The following GARRE1 variants were observed in gnomAD, a reference collection of about 807,000 sequenced individuals.
GARRE1 encodes the protein granule associated Rac and RHOG effector 1.
Under a neutral mutation model 103.2 loss-of-function variants are expected in GARRE1, and 49 were observed. The ratio of observed to expected loss-of-function variants is 0.47; its 90% CI spans 0.38 to 0.60. GARRE1 has a LOEUF of 0.60. Ranked by LOEUF, GARRE1 falls within the 20% of genes least tolerant of loss-of-function variation. The pLI, the probability that GARRE1 is intolerant of heterozygous loss-of-function variation, is 0.00. For synonymous variants in GARRE1, 505 were observed against 532.8 expected (o/e 0.95, Z 0.72); for missense variants, 1,199 against 1,370.5 (o/e 0.87, Z 1.98).
At chr19:34,324,705 G>A (rs1402038884) in intron 3 of GARRE1, among the ~76,000 whole-genome samples, 1 of 151,934 alleles carries the variant, frequency 6.6e-6, no homozygotes, top group Non-Finnish European at 1.5e-5. Context: ...ACAGGGTCTT[G>A]CTATGTTCCC....
intron 1 of GARRE1, among the ~76,000 whole-genome samples, chr19:34,277,250 C>G (rs1177257772): frequency 6.6e-6 from 1 of 152,056 alleles, no homozygotes; most frequent in East Asian, 1.9e-4. Flanking sequence ...TGATTTTATT[C>G]AAAGTGCCAG....
intron 3 of GARRE1, among the ~76,000 whole-genome samples, chr19:34,325,847 A>ACGGACC (rs1489100066): frequency 6.6e-6 from 1 of 151,926 alleles, no homozygotes; most frequent in Non-Finnish European, 1.5e-5. Context: ...GGCCTGTTTC[A>ACGGACC]CGGACCCGTC....
chr19:34,266,370 G>T (rs1465319513), intron 1 of GARRE1, among the ~76,000 whole-genome samples: 1 of 151,934 alleles, frequency 6.6e-6, no homozygotes, highest in Admixed American at 6.6e-5. Context: ...ATTTTCTGTT[G>T]TTTTTTTTGA....
intron 10 of GARRE1, among the ~76,000 whole-genome samples, chr19:34,343,584 G>T (rs138589386): frequency 2.4e-4 from 37 of 152,080 alleles, no homozygotes; most frequent in African/African-American, 8.2e-4. Flanking sequence ...GATGTCTCAT[G>T]CCTGTAATTT....
chr19:34,281,827 C>T (rs750789339), intron 1 of GARRE1, among the ~76,000 whole-genome samples: 50 of 152,062 alleles, frequency 3.3e-4, no homozygotes, highest in Non-Finnish European at 5.4e-4. Flanking sequence ...GGATATTTTT[C>T]TTTTTTATAT....
At chr19:34,291,688 C>A (rs1321889481) in intron 1 of GARRE1, among the ~76,000 whole-genome samples, 4 of 152,206 alleles carry the variant, frequency 2.6e-5, no homozygotes, top group African/African-American at 4.8e-5. Flanking sequence ...ATGACCTAAT[C>A]ATCTCTTACA....
intron 1 of GARRE1, among the ~76,000 whole-genome samples, chr19:34,268,334 TG>T (rs1452349614): frequency 3.9e-5 from 6 of 152,208 alleles, no homozygotes; most frequent in Non-Finnish European, 7.3e-5. Context: ...TGTATGTGTT[TG>T]TAGACAAAAC....
intron 1 of GARRE1, among the ~76,000 whole-genome samples, chr19:34,284,998 A>G (rs972785634): frequency 6.6e-6 from 1 of 152,172 alleles, no homozygotes; most frequent in African/African-American, 2.4e-5. Flanking sequence ...CAGAGGTTAC[A>G]GTGAGCCGAG....
intron 1 of GARRE1, among the ~76,000 whole-genome samples, chr19:34,288,866 T>C (rs1055894764): frequency 6.6e-6 from 1 of 152,254 alleles, no homozygotes; most frequent in African/African-American, 2.4e-5. Flanking sequence ...GCGCCTTGGC[T>C]CATGCCTGTA....
At chr19:34,298,641 C>G (rs964827258) in intron 1 of GARRE1, among the ~76,000 whole-genome samples, 1 of 150,676 alleles carries the variant, frequency 6.6e-6, no homozygotes, top group Non-Finnish European at 1.5e-5. Context: ...ACCTGGGAGG[C>G]GGAGGTTGTG....
chr19:34,279,984 CAA>C (rs34044474), intron 1 of GARRE1, among the ~76,000 whole-genome samples: 951 of 67,860 alleles, frequency 0.014, 7 homozygotes, highest in African/African-American at 0.044. Context: ...GACTCCGTCT[CAA>C]AAAAAAAAAA....
rs1335572556 is a variant in GARRE1 at position 34,320,146 on chromosome 19, T to C, written c.705+30T>C. 5 of 1,591,780 alleles carry C rather than the reference T, an allele frequency of 3.1e-6. No individual in the cohort carries two copies. The South Asian group carries it at 5.5e-5, about 18-fold the overall frequency. Reference sequence around the variant, plus strand: ...CCCTGGCTTTGGGGAGATTGGTGCCTGTGTTCAAATAGGAGAGGCTCCAGA... The same window carrying C: ...CCCTGGCTTTGGGGAGATTGGTGCCCGTGTTCAAATAGGAGAGGCTCCAGA... On this transcript the variant is annotated intron_variant, in intron 3 of 13. Coordinates refer to ENST00000299505, the MANE Select transcript of GARRE1 (RefSeq NM_014686.5).
chr19:34,339,449 C>G (rs933948452), intron 8 of GARRE1, among the ~76,000 whole-genome samples: 14 of 152,190 alleles, frequency 9.2e-5, no homozygotes, highest in African/African-American at 3.1e-4. Context: ...CATGCCCTTG[C>G]CAGCTATGCC....
intron 1 of GARRE1, among the ~76,000 whole-genome samples, chr19:34,279,024 TTATC>T (rs2073835241): frequency 1.3e-5 from 2 of 152,200 alleles, no homozygotes; most frequent in South Asian, 4.1e-4. Flanking sequence ...CCACATTTGT[TTATC>T]TATTCATCTT....
chr19:34,333,932 TG>T (rs1233240948), intron 8 of GARRE1, 131 bp downstream of exon 8: 4 of 677,910 alleles, frequency 5.9e-6, no homozygotes, highest in Admixed American at 2.4e-5. Flanking sequence ...TGCAGGTTTA[TG>T]GGCAGCAGTG....
Position 34,289,522 on chromosome 19 carries a change from C to T in GARRE1, c.-795-10157C>T, listed in dbSNP as rs186780688. ...TGGGCGGATCACAAGGTCAGAAGAT[C>T]GAGACCATCTGGCCAACATGGTGAA... is the stretch of plus-strand genomic sequence containing the variant. On this transcript the variant is annotated intron_variant, in intron 1 of 13. Coordinates refer to ENST00000299505, the MANE Select transcript of GARRE1 (RefSeq NM_014686.5). Among the ~76,000 whole-genome samples the T allele has an allele frequency of 2.6e-5, 4 of 151,878 alleles. No homozygotes were observed. In the East Asian group the frequency reaches 7.8e-4, roughly 30 times the overall value.
chr19:34,268,879 G>A (rs150030684), intron 1 of GARRE1, among the ~76,000 whole-genome samples: 18 of 152,208 alleles, frequency 1.2e-4, no homozygotes, highest in African/African-American at 4.1e-4. Flanking sequence ...CGTAGTGACT[G>A]TTTAAAAAAA....
intron 1 of GARRE1, among the ~76,000 whole-genome samples, chr19:34,279,144 GT>G (rs1275759659): frequency 1.3e-5 from 2 of 152,148 alleles, no homozygotes; most frequent in Non-Finnish European, 2.9e-5. Flanking sequence ...GTTCTTTTGG[GT>G]AGATGCACAG....
chr19:34,295,768 C>T (rs1418364969), intron 1 of GARRE1, among the ~76,000 whole-genome samples: 5 of 152,080 alleles, frequency 3.3e-5, no homozygotes, highest in East Asian at 1.9e-4. Flanking sequence ...TGGCCTCAAG[C>T]GATCCTCTTG....
Sources: gnomAD v4.1 joint callset for allele counts (sites outside exome capture counted in the v4.1 genomes callset) on GRCh38, gnomAD v4.1.1 for gene constraint, MANE v1.5 for transcripts, NCBI Gene and HGNC (gene_info 2026-07-23, HGNC 2026-07-21) for gene names.